The following TMEM132D variants were observed in gnomAD, a reference collection of about 807,000 sequenced individuals.
TMEM132D encodes transmembrane protein 132D.
Under a neutral mutation model 62.3 loss-of-function variants are expected in TMEM132D, and 21 were observed. The observed-to-expected ratio is 0.34, with a 90% confidence interval of 0.24 to 0.49. The LOEUF is 0.49. Ranked by LOEUF, TMEM132D falls within the 20% of genes least tolerant of loss-of-function variation. The probability of loss-of-function intolerance (pLI) is 0.99; values close to 1 mark genes in which losing one functional copy is unlikely to be tolerated. For synonymous variants in TMEM132D, 621 were observed against 575.6 expected, an observed-to-expected ratio of 1.08 and a Z score of -1.13; for missense variants, 1,346 against 1,402.8, an observed-to-expected ratio of 0.96 and a Z score of 0.65.
chr12:129,893,861 C>A (rs1875015454), intron 1 of TMEM132D, among the ~76,000 whole-genome samples: 1 of 152,234 alleles, frequency 6.6e-6, no homozygotes, highest in South Asian at 2.1e-4. Flanking sequence ...AGCCCTCCTG[C>A]CATGGGGCAC....
In TMEM132D at chr12:129,886,900, C is replaced by T. The variant is rs189214410; in HGVS notation, c.79+16361G>A. Among the ~76,000 whole-genome samples, 373 of 152,280 alleles carry T rather than the reference C, an allele frequency of 2.4e-3. 4 individuals carry two copies. Among genetic ancestry groups the T allele is most frequent in the African/African-American group, 8.7e-3 (360 of 41,558 alleles). On this transcript the variant is annotated intron_variant, in intron 1 of 8. Coordinates refer to ENST00000422113, the MANE Select transcript of TMEM132D (RefSeq NM_133448.3). The stretch of plus-strand genomic sequence containing the variant: ...TTCCCCCTTTTGCTGGGCACTTCTC[C>T]TTGCTGCTGCCATACGAAGAACATG...
chr12:129,472,422 G>T (rs1420346430), intron 3 of TMEM132D, among the ~76,000 whole-genome samples: 2 of 152,120 alleles, frequency 1.3e-5, no homozygotes, highest in Non-Finnish European at 2.9e-5. Context: ...TCACATACTG[G>T]GGCCTGTCGT....
intron 3 of TMEM132D, among the ~76,000 whole-genome samples, chr12:129,480,360 G>C (rs1323822936): frequency 6.6e-6 from 1 of 152,218 alleles, no homozygotes; most frequent in Non-Finnish European, 1.5e-5. Flanking sequence ...GAATCATTGA[G>C]GTCTGGAGCA....
chr12:129,831,347 C>T (rs887859018), intron 1 of TMEM132D, among the ~76,000 whole-genome samples: 5 of 152,208 alleles, frequency 3.3e-5, no homozygotes, highest in African/African-American at 1.2e-4. Context: ...ACATGCACAC[C>T]ACTGAATACG....
At chr12:129,192,539 T>TG (rs1287173842) in intron 5 of TMEM132D, among the ~76,000 whole-genome samples, 165 of 152,364 alleles carry the variant, frequency 1.1e-3, no homozygotes, top group African/African-American at 3.6e-3. Context: ...TTTAAGGCCC[T>TG]GAAAGACTAA....
At chr12:129,610,250 C>A (rs1878734642) in intron 2 of TMEM132D, among the ~76,000 whole-genome samples, 1 of 148,290 alleles carries the variant, frequency 6.7e-6, no homozygotes, top group South Asian at 2.1e-4. Flanking sequence ...GCACTCCAGC[C>A]TGGGCGACAA....
At chr12:129,336,711 G>A (rs1207859243) in intron 4 of TMEM132D, among the ~76,000 whole-genome samples, 1 of 152,182 alleles carries the variant, frequency 6.6e-6, no homozygotes, top group Admixed American at 6.5e-5. Context: ...GAACGATGGG[G>A]TTTAGAAGAG....
intron 5 of TMEM132D, among the ~76,000 whole-genome samples, chr12:129,138,350 C>G (rs1006628297): frequency 1.3e-5 from 2 of 152,190 alleles, no homozygotes. Flanking sequence ...CAAGGACCTT[C>G]AATTTGCAAA....
intron 3 of TMEM132D, among the ~76,000 whole-genome samples, chr12:129,489,796 T>A (rs141590693): frequency 5.9e-5 from 9 of 152,378 alleles, no homozygotes; most frequent in African/African-American, 2.2e-4. Context: ...CATTCACAGA[T>A]AATTACATTA....
intron 4 of TMEM132D, among the ~76,000 whole-genome samples, chr12:129,269,454 A>G (rs796254948): frequency 2.0e-5 from 3 of 151,278 alleles, no homozygotes; most frequent in African/African-American, 7.3e-5. Flanking sequence ...TCCTAGTTAC[A>G]TGAAAGCAGG....
chr12:129,252,232 C>T (rs926400358), intron 4 of TMEM132D, among the ~76,000 whole-genome samples: 1 of 152,104 alleles, frequency 6.6e-6, no homozygotes, highest in South Asian at 2.1e-4. Flanking sequence ...GGGACATAAA[C>T]ATACCATCTC....
intron 2 of TMEM132D, among the ~76,000 whole-genome samples, chr12:129,628,210 G>A (rs1163594624): frequency 6.6e-6 from 1 of 152,180 alleles, no homozygotes; most frequent in African/African-American, 2.4e-5. Context: ...AGAGGACTGT[G>A]GAAAGATCAT....
intron 4 of TMEM132D, among the ~76,000 whole-genome samples, chr12:129,298,612 C>G (rs1881632617): frequency 6.6e-6 from 1 of 152,188 alleles, no homozygotes; most frequent in African/African-American, 2.4e-5. Context: ...CCCCATCCAC[C>G]CCACAATCTT....
intron 1 of TMEM132D, among the ~76,000 whole-genome samples, chr12:129,730,327 T>C (rs1869188162): frequency 6.6e-6 from 1 of 152,222 alleles, no homozygotes; most frequent in Non-Finnish European, 1.5e-5. Context: ...AGATCTTCAA[T>C]TTATATTATA....
intron 5 of TMEM132D, among the ~76,000 whole-genome samples, chr12:129,172,770 G>A (rs561054331): frequency 6.6e-6 from 1 of 152,088 alleles, no homozygotes. Flanking sequence ...TAGAGACAGG[G>A]TTTCTCTATG....
chr12:129,175,925 G>C (rs1479728277), intron 5 of TMEM132D, among the ~76,000 whole-genome samples: 1 of 152,148 alleles, frequency 6.6e-6, no homozygotes, highest in Non-Finnish European at 1.5e-5. Flanking sequence ...AAAATGTCTG[G>C]CAGAGTCCAC....
At chr12:129,188,759 GAGGGAGAGAGA>G (rs1878293320) in intron 5 of TMEM132D, among the ~76,000 whole-genome samples, 15 of 58,278 alleles carry the variant, frequency 2.6e-4, no homozygotes, top group African/African-American at 7.8e-4. Context: ...GGGAGGGAGA[GAGGGAGAGAGA>G]GAGAGAGAGA....
intron 4 of TMEM132D, among the ~76,000 whole-genome samples, chr12:129,283,937 A>G (rs1489544405): frequency 1.3e-5 from 2 of 152,212 alleles, no homozygotes; most frequent in Admixed American, 6.5e-5. Context: ...CATTTGACCA[A>G]TGGAAAGCAC....
At chr12:129,320,346 G>T (rs907032461) in intron 4 of TMEM132D, among the ~76,000 whole-genome samples, 2 of 152,170 alleles carry the variant, frequency 1.3e-5, no homozygotes, top group African/African-American at 4.8e-5. Flanking sequence ...AGAATGTGCA[G>T]AGTAGCTACA....
Sources: gnomAD v4.1 joint callset for allele counts (sites outside exome capture counted in the v4.1 genomes callset) on GRCh38, gnomAD v4.1.1 for gene constraint, MANE v1.5 for transcripts, NCBI Gene and HGNC (gene_info 2026-07-23, HGNC 2026-07-21) for gene names.